Variants in CADM2 observed in about 807,000 individuals in gnomAD.
CADM2 encodes cell adhesion molecule 2, also known as immunoglobulin superfamily member 4D.
Under a neutral mutation model 49.8 loss-of-function variants are expected in CADM2, and 12 were observed. The observed-to-expected ratio is 0.24, with a 90% CI of 0.15 to 0.39. CADM2 has a LOEUF of 0.39. Among genes scored for constraint, CADM2 ranks in the 10% least tolerant of loss-of-function variants. The probability of loss-of-function intolerance (pLI) is 1.00; values close to 1 mark genes in which losing one functional copy is unlikely to be tolerated. For synonymous variants in CADM2, 214 were observed against 175.4 expected (o/e 1.22, Z -1.74); for missense variants, 378 against 492.3 (o/e 0.77, Z 2.20).
chr3:85,088,519 A>C (rs979946918), intron 1 of CADM2, among the ~76,000 whole-genome samples: 1 of 152,146 alleles, frequency 6.6e-6, no homozygotes, highest in Non-Finnish European at 1.5e-5. Flanking sequence ...CTGGCATATA[A>C]GATAATATCC....
At chr3:85,075,792 A>G (rs930490736) in intron 1 of CADM2, among the ~76,000 whole-genome samples, 1 of 152,160 alleles carries the variant, frequency 6.6e-6, no homozygotes, top group Admixed American at 6.5e-5. Context: ...AGCGATGGTG[A>G]GCTATTTTAA....
At chr3:85,624,476 G>C (rs1301786629) in intron 1 of CADM2, among the ~76,000 whole-genome samples, 1 of 151,980 alleles carries the variant, frequency 6.6e-6, no homozygotes, top group Admixed American at 6.6e-5. Flanking sequence ...GAGATTACAG[G>C]TGCACACCAC....
At chr3:85,524,020 G>A (rs1278374473) in intron 1 of CADM2, among the ~76,000 whole-genome samples, 1 of 152,122 alleles carries the variant, frequency 6.6e-6, no homozygotes, top group Non-Finnish European at 1.5e-5. Flanking sequence ...ATGTACATAT[G>A]CTTCCAAGTT....
intron 6 of CADM2, among the ~76,000 whole-genome samples, chr3:85,927,825 A>G (rs572912508): frequency 3.0e-4 from 42 of 141,906 alleles, no homozygotes; most frequent in Non-Finnish European, 5.2e-4. Context: ...CAAAAGAAAT[A>G]CGTTGTTTTT....
In CADM2 at chr3:85,866,098, A is replaced by G. The variant is rs139098333; in HGVS notation, c.239-17193A>G. ...GGTTGCAGTGAGCCCACATGGCGCC[A>G]TTGCACTCTTCTGGGCGACAGAGTG... On this transcript the variant is annotated intron_variant, in intron 3 of 9. Transcript: ENST00000383699. Among the ~76,000 whole-genome samples, 965 of 152,274 alleles carry G rather than the reference A, an allele frequency of 6.3e-3. 8 individuals are homozygous for G. Among genetic ancestry groups the G allele is most frequent in the Non-Finnish European group, 8.3e-3 (566 of 68,014 alleles).
intron 8 of CADM2, among the ~76,000 whole-genome samples, chr3:86,056,964 C>A (rs748653232): frequency 6.4e-4 from 98 of 152,286 alleles, no homozygotes; most frequent in Admixed American, 1.5e-3. Flanking sequence ...CATTGAAAAT[C>A]TGTTGTATGA....
rs1293259993 is a variant in CADM2 at position 85,585,363 on chromosome 3, C to A, written c.62-141159C>A. Among the ~76,000 whole-genome samples the A allele has an allele frequency of 2.6e-5, 4 of 151,192 alleles. No individual in the cohort carries two copies. The South Asian group carries it at 8.4e-4, about 32-fold the overall frequency. On this transcript the variant is annotated intron_variant, in intron 1 of 9. Transcript: ENST00000383699. The stretch of plus-strand genomic sequence containing the variant: ...ATAAAGTGCTTCATTTTTAGTGAAA[C>A]GGTGGAAGTTGGTACTTGAAAAGAA...
At chr3:85,676,746 C>T (rs1332358291) in intron 1 of CADM2, among the ~76,000 whole-genome samples, 1 of 152,070 alleles carries the variant, frequency 6.6e-6, no homozygotes, top group Non-Finnish European at 1.5e-5. Flanking sequence ...GTAAATACTG[C>T]TTTTTGTATA....
intron 1 of CADM2, among the ~76,000 whole-genome samples, chr3:85,336,019 A>G (rs928864569): frequency 1.3e-5 from 2 of 151,508 alleles, no homozygotes; most frequent in African/African-American, 2.4e-5. Flanking sequence ...AACCGTGAAC[A>G]TATTGGTCCT....
chr3:85,496,171 A>G (rs981213054), intron 1 of CADM2, among the ~76,000 whole-genome samples: 11 of 152,150 alleles, frequency 7.2e-5, no homozygotes, highest in Non-Finnish European at 1.3e-4. Flanking sequence ...ATAGTAACCA[A>G]TAGGCACTTT....
At chr3:85,085,988 G>A (rs2037354718) in intron 1 of CADM2, among the ~76,000 whole-genome samples, 1 of 152,078 alleles carries the variant, frequency 6.6e-6, no homozygotes, top group Non-Finnish European at 1.5e-5. Context: ...GAAGAGTCTA[G>A]ACTTGGATTT....
At chr3:85,190,150 A>T (rs1208539986) in intron 1 of CADM2, among the ~76,000 whole-genome samples, 1 of 151,996 alleles carries the variant, frequency 6.6e-6, no homozygotes, top group Admixed American at 6.6e-5. Flanking sequence ...GGTCTAGACC[A>T]CACTCAAAAA....
At chr3:85,485,657 C>T (rs1308711670) in intron 1 of CADM2, among the ~76,000 whole-genome samples, 2 of 152,006 alleles carry the variant, frequency 1.3e-5, no homozygotes, top group Non-Finnish European at 2.9e-5. Context: ...CTCTTGTCGA[C>T]ATAATTATAT....
chr3:85,362,120 G>A (rs937343388), intron 1 of CADM2, among the ~76,000 whole-genome samples: 8 of 151,858 alleles, frequency 5.3e-5, no homozygotes, highest in Non-Finnish European at 1.2e-4. Flanking sequence ...GTAAGTGACA[G>A]GACCCGCCCA....
chr3:85,290,388 G>A (rs1449725137), intron 1 of CADM2, among the ~76,000 whole-genome samples: 4 of 152,222 alleles, frequency 2.6e-5, no homozygotes. Flanking sequence ...GCCCAGGCTT[G>A]CTTAGGTAAA....
At chr3:85,215,367 AAAAAAAAAAAAAAAAG>A (rs2041897081) in intron 1 of CADM2, among the ~76,000 whole-genome samples, 1 of 151,064 alleles carries the variant, frequency 6.6e-6, no homozygotes, top group South Asian at 2.1e-4. Context: ...TTAAAAAAAA[AAAAAAAAAAAAAAAAG>A]AAAAAAACTT....
chr3:85,502,436 T>A (rs1430080786), intron 1 of CADM2, among the ~76,000 whole-genome samples: 6 of 151,874 alleles, frequency 4.0e-5, no homozygotes, highest in Admixed American at 1.3e-4. Flanking sequence ...TGTGAACAGG[T>A]CAGATTAAAC....
At chr3:85,199,049 G>T (rs1287122548) in intron 1 of CADM2, among the ~76,000 whole-genome samples, 2 of 151,814 alleles carry the variant, frequency 1.3e-5, no homozygotes, top group African/African-American at 4.8e-5. Flanking sequence ...ACTTCTATTA[G>T]ATTTTCCATC....
intron 8 of CADM2, among the ~76,000 whole-genome samples, chr3:86,015,435 G>T (rs1410552258): frequency 6.6e-6 from 1 of 152,054 alleles, no homozygotes; most frequent in Non-Finnish European, 1.5e-5. Context: ...CTACTTGTTG[G>T]GTGTTACAAA....
Sources: gnomAD v4.1 joint callset for allele counts (sites outside exome capture counted in the v4.1 genomes callset) on GRCh38, gnomAD v4.1.1 for gene constraint, MANE v1.5 for transcripts, NCBI Gene and HGNC (gene_info 2026-07-23, HGNC 2026-07-21) for gene names.